ASB15: variants seen among roughly 807,000 people sequenced by gnomAD.
ASB15 encodes ankyrin repeat and SOCS box protein 15.
In ASB15, 54 loss-of-function variants were observed where a neutral mutation model predicts 58.0. The ratio of observed to expected loss-of-function variants is 0.93; its 90% confidence interval spans 0.75 to 1.17. ASB15 has a LOEUF of 1.17. ASB15 is among the 50% of genes most tolerant of loss of function. The probability of loss-of-function intolerance (pLI) is 0.00; values close to 1 mark genes in which losing one functional copy is unlikely to be tolerated. For missense variants in ASB15, 680 were observed against 707.4 expected, an observed-to-expected ratio of 0.96 and a Z score of 0.44; for synonymous variants, 249 against 262.4, an observed-to-expected ratio of 0.95 and a Z score of 0.50.
At chr7:123,634,833 C>A (rs1361838916) in intron 11 of ASB15, among the ~76,000 whole-genome samples, 1 of 152,038 alleles carries the variant, frequency 6.6e-6, no homozygotes, top group Non-Finnish European at 1.5e-5. Flanking sequence ...AATATGTAGC[C>A]CCCAAAGAAT....
At chr7:123,635,062 C>T (rs1434322013) in intron 11 of ASB15, among the ~76,000 whole-genome samples, 1 of 152,136 alleles carries the variant, frequency 6.6e-6, no homozygotes, top group Non-Finnish European at 1.5e-5. Flanking sequence ...AGAGAATAAC[C>T]TGCAGATTAG....
At chr7:123,584,453 G>A (rs1470017834) in intron 1 of ASB15, among the ~76,000 whole-genome samples, 1 of 151,794 alleles carries the variant, frequency 6.6e-6, no homozygotes, top group Non-Finnish European at 1.5e-5. Flanking sequence ...TCAAACCTAA[G>A]AACAACTGCT....
chr7:123,589,706 T>A (rs572252376), intron 1 of ASB15, among the ~76,000 whole-genome samples: 40 of 152,200 alleles, frequency 2.6e-4, no homozygotes, highest in Admixed American at 1.6e-3. Context: ...ACATTTTCTT[T>A]ATCCAGTCTA....
upstream of ASB15, among the ~76,000 whole-genome samples, chr7:123,599,550 T>C (rs1799806896): frequency 6.6e-6 from 1 of 152,214 alleles, no homozygotes; most frequent in Non-Finnish European, 1.5e-5. Context: ...GCTGTAGCAG[T>C]GGCAGGTGCC....
At chr7:123,582,525 T>G (rs1216124107) in intron 1 of ASB15, among the ~76,000 whole-genome samples, 1 of 152,024 alleles carries the variant, frequency 6.6e-6, no homozygotes, top group African/African-American at 2.4e-5. Flanking sequence ...TCCTGCTCAT[T>G]GTCTGTAGGT....
intron 1 of ASB15, among the ~76,000 whole-genome samples, chr7:123,567,452 C>A (rs918899387): frequency 6.6e-6 from 1 of 152,132 alleles, no homozygotes; most frequent in Non-Finnish European, 1.5e-5. Flanking sequence ...CTAGCCTATC[C>A]AATAAAAGAG....
Position 123,628,882 on chromosome 7 carries a change from C to G in ASB15, c.888C>G (p.Ile296Met). The G allele has an allele frequency of 6.5e-7, 1 of 1,545,434 alleles. No homozygotes were observed. Among genetic ancestry groups the G allele is most frequent in the Non-Finnish European group, 8.7e-7 (1 of 1,147,302 alleles). The change falls in exon 10 of 12, where the codon ATC becomes ATG. Residue 296 changes from isoleucine to methionine, a missense_variant. Ile to Met is a conservative substitution (Grantham distance 10, BLOSUM62 1). Transcript: ENST00000451215. ...CTTTTAGTGCACTGAAATATCTTAT[C>G]CCAGTAACATCTAAAAATGCAATTC... is the stretch of plus-strand genomic sequence containing the variant. Reference protein sequence around the residue: ...EGHYLALKYLIPVTSKNAIRK... With the variant: ...EGHYLALKYLMPVTSKNAIRK...
intron 11 of ASB15, among the ~76,000 whole-genome samples, chr7:123,632,018 C>CA (rs1383060768): frequency 1.3e-5 from 2 of 152,114 alleles, no homozygotes; most frequent in African/African-American, 2.4e-5. Flanking sequence ...GCGGAGCTTG[C>CA]AGTGAGCCGA....
chr7:123,590,623 A>T (rs1799508289), intron 1 of ASB15, among the ~76,000 whole-genome samples: 1 of 152,134 alleles, frequency 6.6e-6, no homozygotes, highest in Non-Finnish European at 1.5e-5. Flanking sequence ...CAAAGATCAG[A>T]TGGTTATAGA....
intron 11 of ASB15, among the ~76,000 whole-genome samples, chr7:123,635,448 T>C (rs115393745): frequency 1.3e-5 from 2 of 152,292 alleles, no homozygotes; most frequent in East Asian, 1.9e-4. Flanking sequence ...TAATTTCTCA[T>C]AGTAATAGAC....
At position 123,585,819 on chromosome 7, in the gene ASB15, A is replaced by G. The variant is rs1799361102; in HGVS notation, c.-442-18213A>G. On this transcript the variant is annotated intron_variant, in intron 1 of 13. Coordinates refer to the ASB15 transcript ENST00000451558. Reference sequence around the variant, plus strand: ...TTTTTAGATTCCACATATAAGAGATATCATGCAGTATTTGTCTTTCTGTTA... The same window carrying G: ...TTTTTAGATTCCACATATAAGAGATGTCATGCAGTATTTGTCTTTCTGTTA... Among the ~76,000 whole-genome samples, 4 of 151,886 alleles carry G rather than the reference A, an allele frequency of 2.6e-5. No homozygotes were observed. The South Asian group carries it at 8.3e-4, about 31-fold the overall frequency.
chr7:123,611,977 A>C (rs1184686570), intron 3 of ASB15, among the ~76,000 whole-genome samples: 1 of 152,152 alleles, frequency 6.6e-6, no homozygotes, highest in Non-Finnish European at 1.5e-5. Context: ...AGAAAAAAAA[A>C]AAACGTTAAA....
chr7:123,607,928 G>A (rs1800228932), intron 2 of ASB15, among the ~76,000 whole-genome samples: 1 of 152,166 alleles, frequency 6.6e-6, no homozygotes, highest in South Asian at 2.1e-4. Flanking sequence ...TATTCTGTAA[G>A]TTTATATTCC....
chr7:123,620,750 G>T (rs965997495), intron 7 of ASB15, among the ~76,000 whole-genome samples: 1 of 149,806 alleles, frequency 6.7e-6, no homozygotes, highest in Non-Finnish European at 1.5e-5. Context: ...TTTTATTAGA[G>T]ACAGGGTTTC....
intron 1 of ASB15, among the ~76,000 whole-genome samples, chr7:123,582,137 A>C (rs983053094): frequency 6.6e-6 from 1 of 151,948 alleles, no homozygotes; most frequent in African/African-American, 2.4e-5. Context: ...ATCTTTTCCT[A>C]CCTAAAATGC....
At chr7:123,605,829 C>T (rs186014643) in intron 2 of ASB15, among the ~76,000 whole-genome samples, 192 of 152,154 alleles carry the variant, frequency 1.3e-3, no homozygotes, top group African/African-American at 1.6e-3. Flanking sequence ...GAACAACAGA[C>T]GCCAAGACCT....
Position 123,629,268 on chromosome 7 carries a change from C to T in ASB15, c.1274C>T (p.Ala425Val). Residue 425 changes from alanine (A) to valine (V), a missense_variant, in exon 10 of 12, where the codon GCT becomes GTT. Transcript: ENST00000451215. ...CGTTTCCCCAGTGTCATTCAATATG[C>T]TCTAAACGACGAGGTAATGCTGAGG... ...DTRFPSVIQY[A>V]LNDEVMLRLL... is the part of the protein sequence containing the mutation. 1.9e-6 allele frequency: 3 copies of T among 1,614,106 alleles called. No individual in the cohort carries two copies. The highest frequency in any genetic ancestry group is 1.1e-5 in the South Asian group (1 of 91,078).
intron 9 of ASB15, among the ~76,000 whole-genome samples, chr7:123,628,262 A>T (rs775772229): frequency 1.3e-5 from 2 of 152,238 alleles, no homozygotes; most frequent in Non-Finnish European, 2.9e-5. Flanking sequence ...GGTCAATATT[A>T]AAAAATAGAT....
At chr7:123,610,781 C>G (rs917108307) in intron 3 of ASB15, among the ~76,000 whole-genome samples, 7 of 152,236 alleles carry the variant, frequency 4.6e-5, no homozygotes, top group Non-Finnish European at 1.5e-5. Flanking sequence ...TTATGGAGAA[C>G]AAATGATTTA....
Sources: allele counts gnomAD v4.1 joint callset (sites outside exome capture counted in the v4.1 genomes callset), GRCh38; gene constraint gnomAD v4.1.1; transcripts MANE v1.5; gene names NCBI Gene and HGNC (gene_info 2026-07-23, HGNC 2026-07-21).